The following ZNF609 variants were observed in gnomAD, a reference collection of about 807,000 sequenced individuals.
ZNF609 encodes the protein zinc finger protein 609.
A neutral mutation model predicts 109.5 loss-of-function variants in ZNF609; 11 were observed. That is an observed-to-expected ratio of 0.10 (90% CI 0.06 to 0.17). The LOEUF (loss-of-function observed/expected upper bound fraction) is 0.17, where lower values mean the gene tolerates loss of function less well. ZNF609 is among the 10% of genes least tolerant of loss of function. ZNF609 has a pLI of 1.00. For synonymous variants in ZNF609, 646 were observed against 662.0 expected (o/e 0.98, Z 0.37); for missense variants, 1,559 against 1,772.4 (o/e 0.88, Z 2.16).
At chr15:64,469,684 A>G (rs1893067692) in intron 1 of ZNF609, among the ~76,000 whole-genome samples, 1 of 152,040 alleles carries the variant, frequency 6.6e-6, no homozygotes. Flanking sequence ...AACTTGCCGC[A>G]TATATCTTTT....
In ZNF609 at chr15:64,495,691, C is replaced by T. The variant is rs1893472630; in HGVS notation, c.-127-3602C>T. ...GAGGCCCAGAAGTGCTGGGATTAGC[C>T]ACTGTGGACTACTTTCTTTATGAAT... is the stretch of plus-strand genomic sequence containing the variant. On this transcript the variant is annotated intron_variant, in intron 1 of 9. Coordinates refer to ENST00000326648, the MANE Select transcript of ZNF609 (RefSeq NM_015042.2). Among the ~76,000 whole-genome samples the T allele has an allele frequency of 2.0e-5, 3 of 151,770 alleles. No individual in the cohort carries two copies. In the South Asian group the frequency reaches 6.2e-4, roughly 32 times the overall value.
At chr15:64,657,769 A>T (rs904290623) in intron 3 of ZNF609, among the ~76,000 whole-genome samples, 2 of 152,168 alleles carry the variant, frequency 1.3e-5, no homozygotes, top group Non-Finnish European at 2.9e-5. Context: ...GGTTGTGGGG[A>T]TGTGGAGAGG....
At chr15:64,568,969 C>CT (rs1237421372) in intron 2 of ZNF609, among the ~76,000 whole-genome samples, 2 of 152,188 alleles carry the variant, frequency 1.3e-5, no homozygotes, top group Non-Finnish European at 2.9e-5. Flanking sequence ...CTTAACCACT[C>CT]TTACTACCTC....
chr15:64,582,820 C>G (rs1449779689), intron 2 of ZNF609, among the ~76,000 whole-genome samples: 13 of 125,676 alleles, frequency 1.0e-4, no homozygotes, highest in Admixed American at 3.9e-4. Context: ...GGCGTAATCT[C>G]GGGTCACTGC....
At chr15:64,516,194 G>A (rs1335984869) in intron 2 of ZNF609, among the ~76,000 whole-genome samples, 3 of 152,036 alleles carry the variant, frequency 2.0e-5, no homozygotes, top group Admixed American at 2.0e-4. Context: ...CCTCCTTCCT[G>A]TTTTATATCT....
intron 2 of ZNF609, among the ~76,000 whole-genome samples, chr15:64,606,963 G>A (rs1895612217): frequency 6.6e-6 from 1 of 151,982 alleles, no homozygotes; most frequent in African/African-American, 2.4e-5. Context: ...TGATCAACAT[G>A]GAGAAACCCC....
At chr15:64,648,041 C>G (rs73454938) in intron 3 of ZNF609, among the ~76,000 whole-genome samples, 7,041 of 152,220 alleles carry the variant, frequency 0.046, 541 homozygotes, top group African/African-American at 0.16. Context: ...CTTCTCAGCC[C>G]AAAATAAACC....
chr15:64,630,073 T>A (rs1896040666), intron 3 of ZNF609, among the ~76,000 whole-genome samples: 1 of 151,448 alleles, frequency 6.6e-6, no homozygotes, highest in Non-Finnish European at 1.5e-5. Flanking sequence ...ACACCTACAT[T>A]ACCATCCTCC....
intron 2 of ZNF609, among the ~76,000 whole-genome samples, chr15:64,591,854 G>C (rs899589621): frequency 6.6e-6 from 1 of 151,972 alleles, no homozygotes; most frequent in East Asian, 1.9e-4. Flanking sequence ...TGGGACGACC[G>C]GCACACACCA....
chr15:64,627,948 C>A (rs1205591855), intron 3 of ZNF609, among the ~76,000 whole-genome samples: 2 of 150,874 alleles, frequency 1.3e-5, no homozygotes, highest in African/African-American at 2.4e-5. Context: ...GCATGAACCA[C>A]CATGCCCAGC....
In ZNF609 at chr15:64,675,177, A is replaced by G. The variant is rs757006507; in HGVS notation, c.2323A>G (p.Asn775Asp). 1 of 1,614,124 alleles carries G rather than the reference A, an allele frequency of 6.2e-7. No individual in the cohort carries two copies. The highest frequency in any genetic ancestry group is 1.1e-5 in the South Asian group (1 of 91,080). Residue 775 changes from asparagine to aspartate, a missense_variant, in exon 5 of 10, where the codon AAT becomes GAT. Asn to Asp is a conservative substitution (Grantham distance 23). Transcript: ENST00000326648. Reference protein sequence around the residue: ...GDGMKMEGLLNGSSDPHQSRL... With the variant: ...GDGMKMEGLLDGSSDPHQSRL... ...TGGGATGAAAATGGAGGGGCTCCTA[A>G]ATGGCTCATCAGACCCCCACCAAAG...
intron 1 of ZNF609, among the ~76,000 whole-genome samples, chr15:64,498,983 A>G (rs148835001): frequency 2.0e-5 from 3 of 152,332 alleles, no homozygotes; most frequent in African/African-American, 4.8e-5. Context: ...AAGGGTTGCC[A>G]GCTGACAGTG....
chr15:64,507,995 C>G (rs896826189), intron 2 of ZNF609, among the ~76,000 whole-genome samples: 2 of 152,168 alleles, frequency 1.3e-5, no homozygotes, highest in African/African-American at 4.8e-5. Flanking sequence ...TCCCTAAAGT[C>G]ATTCATCCTA....
intron 2 of ZNF609, among the ~76,000 whole-genome samples, chr15:64,538,360 ATTC>A (rs1422368708): frequency 6.6e-6 from 1 of 152,212 alleles, no homozygotes; most frequent in Non-Finnish European, 1.5e-5. Context: ...ATGTAAAATA[ATTC>A]TTCTCCACTA....
rs566568489 is a variant in ZNF609, at chr15:64,475,093, T to A, written c.-128+14255T>A. Among the ~76,000 whole-genome samples, 280 of 126,864 alleles carry A rather than the reference T, an allele frequency of 2.2e-3. 1 individual carries two copies. Among genetic ancestry groups the A allele is most frequent in the Non-Finnish European group, 1.7e-3 (105 of 62,324 alleles). 83.2% of individuals were successfully genotyped at this position (126,864 alleles called of 152,430 possible). On this transcript the variant is annotated intron_variant, in intron 1 of 9. Transcript: ENST00000326648. ...CAGGCCTGTGCTAGCATACCCAGTTTATCCTTTTTTTTTTTTTTTTTTTTT... is the reference window on the plus strand; with the variant it reads ...CAGGCCTGTGCTAGCATACCCAGTTAATCCTTTTTTTTTTTTTTTTTTTTT...
intron 2 of ZNF609, among the ~76,000 whole-genome samples, chr15:64,545,867 C>G (rs1894350617): frequency 6.6e-6 from 1 of 152,100 alleles, no homozygotes. Flanking sequence ...TTGCTGAGTA[C>G]TATTTCATTG....
At chr15:64,461,799 AGG>A (rs1892945129) in intron 1 of ZNF609, among the ~76,000 whole-genome samples, 1 of 152,126 alleles carries the variant, frequency 6.6e-6, no homozygotes, top group Non-Finnish European at 1.5e-5. Flanking sequence ...CCAGAGCCTA[AGG>A]GGTTGAGGAG....
intron 2 of ZNF609, among the ~76,000 whole-genome samples, chr15:64,614,729 T>C (rs1471067151): frequency 6.6e-6 from 1 of 151,840 alleles, no homozygotes; most frequent in Admixed American, 6.6e-5. Context: ...TGTATACCTA[T>C]ATTACTATTA....
At chr15:64,598,740 GTGTATATATATATA>G (rs1255368349) in intron 2 of ZNF609, among the ~76,000 whole-genome samples, 78 of 84,720 alleles carry the variant, frequency 9.2e-4, no homozygotes, top group African/African-American at 3.3e-3. Flanking sequence ...ATCTTTGTGT[GTGTATATATATATA>G]TATATATATA....
Sources: allele counts gnomAD v4.1 joint callset (sites outside exome capture counted in the v4.1 genomes callset), GRCh38; gene constraint gnomAD v4.1.1; transcripts MANE v1.5; gene names NCBI Gene and HGNC (gene_info 2026-07-23, HGNC 2026-07-21).